The following CNTNAP5 variants were observed in gnomAD, a reference collection of about 807,000 sequenced individuals.
CNTNAP5 encodes contactin-associated protein-like 5.
Under a neutral mutation model 150.2 loss-of-function variants are expected in CNTNAP5, and 72 were observed. That is an observed-to-expected ratio of 0.48 (90% CI 0.40 to 0.58). The LOEUF (loss-of-function observed/expected upper bound fraction) is 0.58. Ranked by LOEUF, CNTNAP5 falls within the 20% of genes least tolerant of loss-of-function variation. CNTNAP5 has a pLI of 0.00. For missense variants in CNTNAP5, 1,636 were observed against 1,626.2 expected, an observed-to-expected ratio of 1.01 and a Z score of -0.10; for synonymous variants, 672 against 619.8, an observed-to-expected ratio of 1.08 and a Z score of -1.25.
At chr2:124,083,688 A>G (rs1016741593) in intron 1 of CNTNAP5, among the ~76,000 whole-genome samples, 73 of 152,030 alleles carry the variant, frequency 4.8e-4, no homozygotes, top group African/African-American at 1.7e-3. Context: ...TACCACGTTC[A>G]CAGTCTTGAT....
chr2:124,506,250 T>C (rs1694404765), intron 8 of CNTNAP5, among the ~76,000 whole-genome samples: 2 of 149,846 alleles, frequency 1.3e-5, no homozygotes, highest in Admixed American at 1.3e-4. Context: ...TACATTAAAA[T>C]CATACCAGCT....
intron 5 of CNTNAP5, among the ~76,000 whole-genome samples, chr2:124,435,655 T>C (rs1016517402): frequency 3.3e-5 from 5 of 152,166 alleles, no homozygotes; most frequent in African/African-American, 9.7e-5. Context: ...AATTGCAAAA[T>C]GTAATTTGTA....
chr2:124,617,323 T>C (rs1677513469), intron 12 of CNTNAP5, among the ~76,000 whole-genome samples: 1 of 152,060 alleles, frequency 6.6e-6, no homozygotes, highest in African/African-American at 2.4e-5. Context: ...TTCTCACAGT[T>C]CTAGAGCCCA....
At position 124,911,530 on chromosome 2, in the gene CNTNAP5, T is replaced by C; in HGVS notation, c.3719T>C (p.Val1240Ala). Reference sequence around the variant, plus strand: ...AATGCTGTTCGAAGTGATTCGGCAGTCATCGGAGGTAAACAATTCATTGTT... The same window carrying C: ...AATGCTGTTCGAAGTGATTCGGCAGCCATCGGAGGTAAACAATTCATTGTT... The part of the protein sequence containing the change: ...LTNAVRSDSA[V>A]IGGVIAVVIF... Residue 1240 changes from valine to alanine, a missense_variant, in exon 23 of 24, where the codon GTC becomes GCC. Transcript: ENST00000682447. 6.3e-7 allele frequency: 1 copy of C among 1,596,150 alleles called. No homozygotes were observed. The highest frequency in any genetic ancestry group is 8.5e-7 in the Non-Finnish European group (1 of 1,170,232).
intron 1 of CNTNAP5, among the ~76,000 whole-genome samples, chr2:124,155,835 G>A (rs1388169221): frequency 6.6e-6 from 1 of 152,158 alleles, no homozygotes; most frequent in Non-Finnish European, 1.5e-5. Flanking sequence ...TGAAAGAAAG[G>A]GAGTACTGCA....
chr2:124,339,356 T>C (rs972958310), intron 3 of CNTNAP5, among the ~76,000 whole-genome samples: 4 of 152,100 alleles, frequency 2.6e-5, no homozygotes, highest in African/African-American at 7.2e-5. Flanking sequence ...AAGAGTGTAG[T>C]ATAATTAAAA....
At chr2:124,668,805 C>T (rs1033095609) in intron 13 of CNTNAP5, among the ~76,000 whole-genome samples, 1 of 152,052 alleles carries the variant, frequency 6.6e-6, no homozygotes, top group Non-Finnish European at 1.5e-5. Context: ...AGTAAGTGGT[C>T]ATTTGGGTAG....
At chr2:124,532,969 A>G (rs1308597422) in intron 10 of CNTNAP5, among the ~76,000 whole-genome samples, 3 of 151,728 alleles carry the variant, frequency 2.0e-5, no homozygotes, top group Non-Finnish European at 4.4e-5. Context: ...CCTTTCCCCA[A>G]CCCCCACTGT....
chr2:124,083,477 C>T (rs889995887), intron 1 of CNTNAP5, among the ~76,000 whole-genome samples: 3 of 152,084 alleles, frequency 2.0e-5, no homozygotes, highest in African/African-American at 7.2e-5. Flanking sequence ...TCAAATCTGA[C>T]TTTATGGATT....
intron 11 of CNTNAP5, among the ~76,000 whole-genome samples, chr2:124,589,709 G>A (rs549578044): frequency 2.6e-5 from 4 of 152,132 alleles, no homozygotes; most frequent in African/African-American, 9.6e-5. Flanking sequence ...AATTGATGTC[G>A]GTATACTATA....
intron 13 of CNTNAP5, among the ~76,000 whole-genome samples, chr2:124,729,448 C>A (rs140707633): frequency 1.5e-4 from 23 of 152,058 alleles, no homozygotes; most frequent in African/African-American, 5.3e-4. Context: ...CAATTCTGAG[C>A]AATTTTTCTG....
At chr2:124,604,328 C>A (rs1004258031) in intron 11 of CNTNAP5, among the ~76,000 whole-genome samples, 1 of 152,028 alleles carries the variant, frequency 6.6e-6, no homozygotes, top group Non-Finnish European at 1.5e-5. Context: ...ATAGCAATAT[C>A]GTTTAAAATG....
chr2:124,343,069 G>T (rs1428276097), intron 3 of CNTNAP5, among the ~76,000 whole-genome samples: 1 of 152,086 alleles, frequency 6.6e-6, no homozygotes, highest in Non-Finnish European at 1.5e-5. Context: ...TTCAGAAAAG[G>T]CATCAACATA....
At chr2:124,482,222 C>G (rs551105780) in intron 7 of CNTNAP5, among the ~76,000 whole-genome samples, 1 of 152,154 alleles carries the variant, frequency 6.6e-6, no homozygotes, top group African/African-American at 2.4e-5. Flanking sequence ...CCACAGATCA[C>G]GGTGCTAGCA....
intron 22 of CNTNAP5, among the ~76,000 whole-genome samples, chr2:124,904,798 C>T (rs1678496843): frequency 6.6e-6 from 1 of 151,712 alleles, no homozygotes; most frequent in Non-Finnish European, 1.5e-5. Flanking sequence ...GGACAGATCT[C>T]CTTAATATTG....
At chr2:124,379,137 T>A (rs1690725329) in intron 3 of CNTNAP5, among the ~76,000 whole-genome samples, 1 of 151,998 alleles carries the variant, frequency 6.6e-6, no homozygotes, top group African/African-American at 2.4e-5. Context: ...TTTTTTGTTT[T>A]TTTTTTACAA....
At position 124,550,751 on chromosome 2, in the gene CNTNAP5, T is replaced by G. The variant is rs556632795; in HGVS notation, c.1650-12466T>G. ...AGATAAATGGGTTGATTAAAGAAAT[T>G]TAATTATATTCTATTTTGTGAAAAT... On this transcript the variant is annotated intron_variant, in intron 10 of 23. Transcript: ENST00000682447. Among the ~76,000 whole-genome samples, 3 of 152,248 alleles carry G rather than the reference T, an allele frequency of 2.0e-5. No homozygotes were observed. The South Asian group carries it at 6.2e-4, about 32-fold the overall frequency.
chr2:124,073,604 C>A (rs183710311), intron 1 of CNTNAP5, among the ~76,000 whole-genome samples: 1 of 152,104 alleles, frequency 6.6e-6, no homozygotes, highest in Admixed American at 6.5e-5. Context: ...CATAACTGAT[C>A]ATCAGATAAA....
chr2:124,054,297 G>A (rs1338677570), intron 1 of CNTNAP5, among the ~76,000 whole-genome samples: 1 of 152,204 alleles, frequency 6.6e-6, no homozygotes, highest in Non-Finnish European at 1.5e-5. Context: ...CATTTGGGCA[G>A]TGGGAAAATG....
Sources: allele counts gnomAD v4.1 joint callset (sites outside exome capture counted in the v4.1 genomes callset), GRCh38; gene constraint gnomAD v4.1.1; transcripts MANE v1.5; gene names NCBI Gene and HGNC (gene_info 2026-07-23, HGNC 2026-07-21).